The following RNF130 variants were observed in gnomAD, a reference collection of about 807,000 sequenced individuals.
The protein encoded by RNF130 is E3 ubiquitin-protein ligase RNF130.
RNF130 carries 21 observed loss-of-function variants against 44.6 expected under a neutral mutation model. The ratio of observed to expected loss-of-function variants is 0.47; its 90% confidence interval spans 0.33 to 0.68. RNF130 has a LOEUF of 0.68. Ranked by LOEUF, RNF130 falls within the 30% of genes least tolerant of loss-of-function variation. RNF130 has a pLI of 0.02. For missense variants in RNF130, 479 were observed against 560.6 expected (o/e 0.85, Z 1.47); for synonymous variants, 214 against 210.4 (o/e 1.02, Z -0.15).
intron 1 of RNF130, among the ~76,000 whole-genome samples, chr5:180,055,753 TTCTC>T (rs1222091153): frequency 6.6e-6 from 1 of 152,168 alleles, no homozygotes; most frequent in Non-Finnish European, 1.5e-5. Flanking sequence ...GAGCTGATAC[TTCTC>T]TCTTTTTAGC....
intron 3 of RNF130, among the ~76,000 whole-genome samples, chr5:179,996,379 GGGCATCCTGTGT>G (rs1350876664): frequency 6.6e-6 from 1 of 152,186 alleles, no homozygotes; most frequent in Non-Finnish European, 1.5e-5. Context: ...TGGTGAAAGT[GGGCATCCTGTGT>G]TTTTCCACAT....
At chr5:179,998,442 C>T (rs995146508) in intron 3 of RNF130, among the ~76,000 whole-genome samples, 1 of 151,936 alleles carries the variant, frequency 6.6e-6, no homozygotes, top group Non-Finnish European at 1.5e-5. Context: ...AGAAAAGATC[C>T]TTTGTATGAT....
chr5:180,066,461 T>C (rs771593348), intron 1 of RNF130, among the ~76,000 whole-genome samples: 18 of 152,162 alleles, frequency 1.2e-4, no homozygotes, highest in Non-Finnish European at 2.1e-4. Context: ...CCAATATGAC[T>C]AATATACTCC....
chr5:180,047,636 C>T (rs1764596723), intron 1 of RNF130, among the ~76,000 whole-genome samples: 1 of 151,994 alleles, frequency 6.6e-6, no homozygotes, highest in Non-Finnish European at 1.5e-5. Flanking sequence ...CCTAGCTACT[C>T]GGGAGGCTGA....
chr5:180,048,474 T>G (rs866781754), intron 1 of RNF130, among the ~76,000 whole-genome samples: 17 of 152,042 alleles, frequency 1.1e-4, no homozygotes, highest in African/African-American at 3.9e-4. Flanking sequence ...ATGACTTAGA[T>G]TGATTAAAAA....
rs1047351518 is a variant in RNF130 at position 180,035,323 on chromosome 5, T to A, written c.442+5130A>T. On this transcript the variant is annotated intron_variant, in intron 2 of 8. Coordinates refer to ENST00000521389, the MANE Select transcript of RNF130 (RefSeq NM_018434.6). The stretch of plus-strand genomic sequence containing the variant: ...ATGTGTGCTGCTTAATTTCAAAGAC[T>A]TGGGAATTTCCCAGCTTTTCTTTAG... 1.3e-5 allele frequency among the ~76,000 whole-genome samples: 2 copies of A among 152,218 alleles called. 1 individual carries two copies. Among genetic ancestry groups the A allele is most frequent in the Middle Eastern group, 6.3e-3 (2 of 316 alleles).
At chr5:179,951,064 T>A (rs1217818205), downstream of RNF130, among the ~76,000 whole-genome samples, 2 of 152,156 alleles carry the variant, frequency 1.3e-5, no homozygotes, top group Non-Finnish European at 2.9e-5. Context: ...AACTCTGGCA[T>A]TGTGAGTTGG....
chr5:180,041,650 T>C (rs1413477560), intron 1 of RNF130, among the ~76,000 whole-genome samples: 1 of 152,196 alleles, frequency 6.6e-6, no homozygotes, highest in East Asian at 1.9e-4. Context: ...TGCAGACTGC[T>C]GGCGCACAGT....
At chr5:180,048,255 G>C (rs1167542614) in intron 1 of RNF130, among the ~76,000 whole-genome samples, 1 of 152,054 alleles carries the variant, frequency 6.6e-6, no homozygotes, top group Non-Finnish European at 1.5e-5. Context: ...GATTTCAACT[G>C]GTTTACATGG....
chr5:180,034,906 T>G (rs1011942371), intron 2 of RNF130, among the ~76,000 whole-genome samples: 1 of 152,360 alleles, frequency 6.6e-6, no homozygotes, highest in African/African-American at 2.4e-5. Context: ...AGTAGTGATG[T>G]CCTTTTTTAG....
exon 8 of RNF130, chr5:179,919,997 T>C: frequency 3.7e-6 from 1 of 272,704 alleles, no homozygotes; most frequent in East Asian, 6.6e-5. Context: ...AGCATGTGAT[T>C]GTTCAGAGAT....
chr5:180,067,754 T>A (rs1408197571), intron 1 of RNF130, among the ~76,000 whole-genome samples: 2 of 152,218 alleles, frequency 1.3e-5, no homozygotes, highest in Non-Finnish European at 2.9e-5. Context: ...TCATATATCC[T>A]TTTTCTCTGA....
At chr5:179,990,764 G>C (rs770589045) in intron 3 of RNF130, among the ~76,000 whole-genome samples, 1 of 152,210 alleles carries the variant, frequency 6.6e-6, no homozygotes, top group African/African-American at 2.4e-5. Context: ...TCACACTCTT[G>C]TCTTCTGGTC....
chr5:180,019,894 G>C (rs376235759), intron 2 of RNF130, among the ~76,000 whole-genome samples: 1 of 152,162 alleles, frequency 6.6e-6, no homozygotes, highest in Non-Finnish European at 1.5e-5. Context: ...ACTGAGTCAC[G>C]GAACGGTGAA....
At position 179,966,789 on chromosome 5, in the gene RNF130, C is replaced by A; in HGVS notation, c.1150+17G>T. The stretch of plus-strand genomic sequence containing the variant: ...GGCAGCCACATGCCCTGTGCCTGAG[C>A]GGAGGCCCCCACTTACTTGTTACTG... On this transcript the variant is annotated intron_variant, in intron 7 of 8. Transcript: ENST00000521389. 3 of 1,607,214 alleles carry A rather than the reference C, an allele frequency of 1.9e-6. No homozygotes were observed. Among genetic ancestry groups the A allele is most frequent in the Non-Finnish European group, 8.5e-7 (1 of 1,176,448 alleles).
At chr5:179,951,353 A>G (rs140023491), downstream of RNF130, among the ~76,000 whole-genome samples, 286 of 152,180 alleles carry the variant, frequency 1.9e-3, 1 homozygote, top group African/African-American at 6.7e-3. Flanking sequence ...ACACGTCTAC[A>G]GAACAGTCCA....
At chr5:180,006,524 T>A (rs540633414) in intron 3 of RNF130, among the ~76,000 whole-genome samples, 1 of 152,226 alleles carries the variant, frequency 6.6e-6, no homozygotes, top group South Asian at 2.1e-4. Flanking sequence ...TATACACATG[T>A]TATGGCAAGA....
Position 180,071,731 on chromosome 5 carries a change from G to T in RNF130, c.-29C>A, listed in dbSNP as rs1280128904. ...CCCTCCGGCAGCCGCCGCTGCTCGC[G>T]GACCGGGCTCCGGGGCCGGCGCCTA... On this transcript the variant is annotated 5_prime_UTR_variant, in exon 1 of 9. Coordinates refer to ENST00000521389, the MANE Select transcript of RNF130 (RefSeq NM_018434.6). 1.6e-5 allele frequency: 19 copies of T among 1,213,826 alleles called. No individual in the cohort carries two copies. The highest frequency in any genetic ancestry group is 1.8e-5 in the Non-Finnish European group (18 of 977,902). The allele number at this position is 1,213,826 out of a possible 1,614,324, so 75.2% of individuals were successfully genotyped here.
At chr5:180,055,248 CAAAAAAAAAAAAAAAAAAAA>C (rs1205914690) in intron 1 of RNF130, among the ~76,000 whole-genome samples, 1 of 20,980 alleles carries the variant, frequency 4.8e-5, no homozygotes, top group African/African-American at 3.4e-4. Flanking sequence ...GGTTCTGTCT[CAAAAAAAAAAAAAAAAAAAA>C]AAAAAAAAAA....
Sources: gnomAD v4.1 joint callset for allele counts (sites outside exome capture counted in the v4.1 genomes callset) on GRCh38, gnomAD v4.1.1 for gene constraint, MANE v1.5 for transcripts, NCBI Gene and HGNC (gene_info 2026-07-23, HGNC 2026-07-21) for gene names.